The following TCEA2 variants were observed in gnomAD, a reference collection of about 807,000 sequenced individuals.
The protein encoded by TCEA2 is transcription elongation factor A protein 2.
A neutral mutation model predicts 40.8 loss-of-function variants in TCEA2; 21 were observed. The ratio of observed to expected loss-of-function variants is 0.51; its 90% CI spans 0.36 to 0.74. The LOEUF (loss-of-function observed/expected upper bound fraction) is 0.74, where lower values mean the gene tolerates loss of function less well. Among genes scored for constraint, TCEA2 ranks in the 30% least tolerant of loss-of-function variants. The probability of loss-of-function intolerance (pLI) is 0.00; values close to 1 mark genes in which losing one functional copy is unlikely to be tolerated. For missense variants in TCEA2, 326 were observed against 426.5 expected (o/e 0.76, Z 2.08); for synonymous variants, 165 against 162.7 (o/e 1.01, Z -0.11).
intron 8 of TCEA2, among the ~76,000 whole-genome samples, chr20:64,071,295 T>C (rs2059825900): frequency 6.7e-6 from 1 of 150,300 alleles, no homozygotes; most frequent in South Asian, 2.1e-4. Flanking sequence ...TTGCAGTGAG[T>C]CCAGATCGTG....
At chr20:64,063,001 A>C, upstream of TCEA2, 27 of 191,400 alleles carry the variant, frequency 1.4e-4, no homozygotes, top group East Asian at 2.7e-4. Context: ...CTCGCGGGGT[A>C]TTGTGGGATC....
intron 6 of TCEA2, 60 bp downstream of exon 6, chr20:64,069,881 C>A: frequency 6.3e-7 from 1 of 1,589,318 alleles, no homozygotes; most frequent in Non-Finnish European, 8.6e-7. Context: ...GGCTGCCTGG[C>A]CTGGTGCCCT....
chr20:64,064,658 GA>G (rs1191892371), intron 1 of TCEA2, among the ~76,000 whole-genome samples: 1 of 152,172 alleles, frequency 6.6e-6, no homozygotes, highest in Non-Finnish European at 1.5e-5. Flanking sequence ...GGGTTTGGGG[GA>G]AGCTTTTTGG....
In TCEA2 at chr20:64,070,584, A is replaced by C; in HGVS notation, c.768A>C (p.Thr256=). The C allele has an allele frequency of 1.9e-6, 3 of 1,613,456 alleles. No homozygotes were observed. Among genetic ancestry groups the C allele is most frequent in the Non-Finnish European group, 2.5e-6 (3 of 1,179,800 alleles). The change falls in exon 8 of 10, where the codon ACA becomes ACC. Residue 256 remains threonine (T), a synonymous_variant. Coordinates refer to ENST00000343484, the MANE Select transcript of TCEA2 (RefSeq NM_003195.6). The stretch of plus-strand genomic sequence containing the variant: ...TGGCCCGCACTGGCGGCACGCAGAC[A>C]GACCTGTTCACCTGCGGCAAGTGCA... ...HQMARTGGTQ[T]DLFTCGKCRK...
intron 1 of TCEA2, chr20:64,063,721 G>A: frequency 3.2e-6 from 1 of 311,790 alleles, no homozygotes; most frequent in Non-Finnish European, 6.0e-6. Context: ...CCCCAGCCTG[G>A]CCCGTCGACT....
intron 6 of TCEA2, 48 bp downstream of exon 6, chr20:64,069,869 G>A (rs764231847): frequency 6.2e-7 from 1 of 1,602,630 alleles, no homozygotes; most frequent in Non-Finnish European, 8.5e-7. Flanking sequence ...GTGGAGTCAG[G>A]AGGCTGCCTG....
At chr20:64,065,005 AG>A (rs1324277590) in intron 1 of TCEA2, among the ~76,000 whole-genome samples, 2 of 152,114 alleles carry the variant, frequency 1.3e-5, no homozygotes, top group African/African-American at 4.8e-5. Flanking sequence ...GTGGAAGAAC[AG>A]CTTGAGTAGA....
upstream of TCEA2, among the ~76,000 whole-genome samples, chr20:64,055,978 C>T (rs1295488632): frequency 6.6e-6 from 1 of 152,050 alleles, no homozygotes; most frequent in African/African-American, 2.4e-5. The surrounding 1 kb of genome is among the most constrained non-coding windows in gnomAD (Gnocchi z 4.0). Context: ...CCTGGGGCCT[C>T]TGGGGAAGGG....
At chr20:64,067,947 G>GCTGGGT (rs2059734940) in intron 3 of TCEA2, 100 bp from the exon 4 acceptor site, 2 of 874,662 alleles carry the variant, frequency 2.3e-6, no homozygotes, top group African/African-American at 1.7e-5. Context: ...TGGGGCTGGG[G>GCTGGGT]CCGTGTTGGT....
At chr20:64,069,563 C>T in intron 5 of TCEA2, 72 bp downstream of exon 5, 1 of 1,577,672 alleles carries the variant, frequency 6.3e-7, no homozygotes, top group East Asian at 2.3e-5. Context: ...TGCCTGCCCG[C>T]AGAGGCCTGC....
chr20:64,068,140 A>T lies in TCEA2; in HGVS notation c.329+6A>T, dbSNP rs1275119440. ...TCAGAGGCCCCGGATCCCAGGTAGC[A>T]CACCTGGAAGGCAGGTGCACACACT... On this transcript the variant is annotated splice_donor_region_variant and intron_variant, in intron 4 of 9. Coordinates refer to ENST00000343484, the MANE Select transcript of TCEA2 (RefSeq NM_003195.6). 8 of 1,604,038 alleles carry T rather than the reference A, an allele frequency of 5.0e-6. No individual in the cohort carries two copies. Among genetic ancestry groups the T allele is most frequent in the Non-Finnish European group, 6.8e-6 (8 of 1,174,766 alleles).
At chr20:64,066,832 G>T (rs2145483167) in intron 2 of TCEA2, 83 bp from the exon 3 acceptor site, 1 of 1,375,682 alleles carries the variant, frequency 7.3e-7, no homozygotes, top group East Asian at 2.5e-5. Flanking sequence ...CCTGTCCTGT[G>T]GGGGCCACCA....
Position 64,069,417 on chromosome 20 carries a change from C to G in TCEA2, c.386C>G (p.Pro129Arg), listed in dbSNP as rs1458624128. 6.2e-7 allele frequency: 1 copy of G among 1,612,790 alleles called. No individual in the cohort carries two copies. The highest frequency in any genetic ancestry group is 1.3e-5 in the African/African-American group (1 of 74,936). The change falls in exon 5 of 10, where the codon CCT becomes CGT. Residue 129 changes from proline (P) to arginine (R), a missense_variant. Pro to Arg is a moderately radical substitution (Grantham distance 103). Transcript: ENST00000343484. ...APSTPRITTF[P>R]PVPVTCDAVR... ...TCGACTCCGAGGATCACCACATTTC[C>G]TCCGGTGCCTGTCACCTGTGATGCC...
chr20:64,056,018 C>T (rs1183854278), upstream of TCEA2, among the ~76,000 whole-genome samples: 1 of 151,956 alleles, frequency 6.6e-6, no homozygotes, highest in Admixed American at 6.6e-5. Flanking sequence ...GGCTGGCGGG[C>T]TGGCAGGGCT....
At chr20:64,058,393 G>A (rs763582124), upstream of TCEA2, among the ~76,000 whole-genome samples, 9 of 152,188 alleles carry the variant, frequency 5.9e-5, no homozygotes, top group Non-Finnish European at 8.8e-5. This position sits in a 1 kb window ranked among gnomAD's most constrained non-coding sequence, Gnocchi z 6.7. Flanking sequence ...TGACCTCCCC[G>A]TCTGCAGCCT....
In TCEA2 at chr20:64,070,391, C is replaced by G; in HGVS notation, c.649C>G (p.Gln217Glu). The change falls in exon 7 of 10, where the codon CAG (glutamine) becomes GAG (glutamate). Residue 217 changes from glutamine to glutamate, a missense_variant. Gln to Glu is a conservative substitution (Grantham distance 29). Transcript: ENST00000343484. ...NVLCGAITPQ[Q>E]IAVMTSEEMA... ...GCTGTGTGGGGCCATAACACCCCAGCAGATCGCTGTGATGACCTCAGAGGT... is the reference window on the plus strand; with the variant it reads ...GCTGTGTGGGGCCATAACACCCCAGGAGATCGCTGTGATGACCTCAGAGGT... 3 of 1,614,202 alleles carry G rather than the reference C, an allele frequency of 1.9e-6. No individual in the cohort carries two copies. Among genetic ancestry groups the G allele is most frequent in the Non-Finnish European group, 2.5e-6 (3 of 1,180,038 alleles).
intron 4 of TCEA2, 30 bp from the exon 5 acceptor site, chr20:64,069,331 C>G (rs369720071): frequency 1.3e-4 from 202 of 1,548,328 alleles, no homozygotes; most frequent in Non-Finnish European, 1.6e-4. Flanking sequence ...AGCCTTGAGT[C>G]TGAACCCAGC....
In TCEA2 at chr20:64,069,799, C is replaced by T. The variant is rs374026845; in HGVS notation, c.495C>T (p.Arg165=). The T allele has an allele frequency of 2.0e-5, 32 of 1,613,820 alleles. No homozygotes were observed. Among genetic ancestry groups the T allele is most frequent in the African/African-American group, 2.7e-5 (2 of 74,944 alleles). The stretch of plus-strand genomic sequence containing the variant: ...TGGCCATCGGTGCGGACTGCGAGCG[C>T]CTGTCGGCTCAGATCGAGGAATATA... ...DHVAIGADCE[R]LSAQIEECIF... is the part of the protein sequence containing the mutation. The change falls in exon 6 of 10, where the codon CGC becomes CGT. Residue 165 remains arginine (R), a synonymous_variant. Coordinates refer to ENST00000343484, the MANE Select transcript of TCEA2 (RefSeq NM_003195.6).
At chr20:64,069,570 C>A in intron 5 of TCEA2, 79 bp downstream of exon 5, 1 of 1,569,086 alleles carries the variant, frequency 6.4e-7, no homozygotes. Flanking sequence ...CCGCAGAGGC[C>A]TGCTTCCAGC....
Sources: gnomAD v4.1 joint callset for allele counts (sites outside exome capture counted in the v4.1 genomes callset) on GRCh38, gnomAD v4.1.1 for gene constraint, Gnocchi (gnomAD v3.1) non-coding constraint, MANE v1.5 for transcripts, NCBI Gene and HGNC (gene_info 2026-07-23, HGNC 2026-07-21) for gene names.